ZNF536: variants seen among roughly 807,000 people sequenced by gnomAD.
ZNF536 encodes the protein zinc finger protein 536.
In ZNF536, 13 loss-of-function variants were observed where a neutral mutation model predicts 84.5. The observed-to-expected ratio is 0.15, with a 90% CI of 0.10 to 0.24. The LOEUF (loss-of-function observed/expected upper bound fraction) is 0.24. Ranked by LOEUF, ZNF536 falls within the 10% of genes least tolerant of loss-of-function variation. The pLI is 1.00. For synonymous variants in ZNF536, 811 were observed against 742.5 expected (o/e 1.09, Z -1.50); for missense variants, 1,536 against 1,747.5 (o/e 0.88, Z 2.16).
intron 2 of ZNF536, among the ~76,000 whole-genome samples, chr19:30,349,964 C>A (rs1201521499): frequency 1.3e-5 from 2 of 151,802 alleles, no homozygotes; most frequent in Non-Finnish European, 2.9e-5. Context: ...CTTTTGTTAA[C>A]CTTACTTTCG....
intron 2 of ZNF536, among the ~76,000 whole-genome samples, chr19:30,524,575 C>T (rs903436104): frequency 6.6e-6 from 1 of 152,146 alleles, no homozygotes; most frequent in African/African-American, 2.4e-5. Flanking sequence ...GCTCAATTCC[C>T]AGGAGAAAAC....
chr19:30,321,722 T>A (rs976957555), intron 2 of ZNF536, among the ~76,000 whole-genome samples: 43 of 151,830 alleles, frequency 2.8e-4, no homozygotes, highest in Non-Finnish European at 6.0e-4. Context: ...TTTTTTTTTT[T>A]AATTAGTCTA....
chr19:30,309,930 T>C (rs1378051834), intron 2 of ZNF536, among the ~76,000 whole-genome samples: 1 of 152,014 alleles, frequency 6.6e-6, no homozygotes, highest in Admixed American at 6.6e-5. Flanking sequence ...CTGATTGCCT[T>C]TCAGATGAGA....
chr19:30,636,843 T>C (rs999902391), intron 1 of ZNF536, among the ~76,000 whole-genome samples: 12 of 152,272 alleles, frequency 7.9e-5, no homozygotes, highest in Admixed American at 2.6e-4. Context: ...CTCTGGTCCC[T>C]GGCCTCATGT....
chr19:30,244,693 AG>A (rs1248535614), intron 1 of ZNF536, among the ~76,000 whole-genome samples: 1 of 152,174 alleles, frequency 6.6e-6, no homozygotes, highest in Non-Finnish European at 1.5e-5. Flanking sequence ...TGAAGCTTTT[AG>A]CACCCTCTGG....
intron 2 of ZNF536, among the ~76,000 whole-genome samples, chr19:30,316,682 C>G (rs547605042): frequency 6.6e-6 from 1 of 152,288 alleles, no homozygotes; most frequent in South Asian, 2.1e-4. Flanking sequence ...TGTTACATTA[C>G]AGAGCATTTG....
rs549727688 is a variant in ZNF536, at chr19:30,439,747, TC to T, written c.-2-3812del. Among the ~76,000 whole-genome samples the T allele has an allele frequency of 8.5e-5, 13 of 152,216 alleles. No homozygotes were observed. In the South Asian group the frequency reaches 2.5e-3, roughly 29 times the overall value. On this transcript the variant is annotated intron_variant, in intron 1 of 4. Coordinates refer to ENST00000355537, the MANE Select transcript of ZNF536 (RefSeq NM_014717.3). ...AGCATCTCCTAGGGAGCTGGTCAGC[TC>T]CTCTGAAACCCTGGGGTCTCCCATG...
chr19:30,649,270 T>G (rs1485068392), intron 1 of ZNF536, among the ~76,000 whole-genome samples: 1 of 152,198 alleles, frequency 6.6e-6, no homozygotes, highest in Non-Finnish European at 1.5e-5. Context: ...GACCTAAAAC[T>G]AAAAAGCTTT....
intron 3 of ZNF536, among the ~76,000 whole-genome samples, chr19:30,535,568 AG>A (rs1414666328): frequency 6.6e-6 from 1 of 152,112 alleles, no homozygotes; most frequent in African/African-American, 2.4e-5. Flanking sequence ...AGATGCTCTT[AG>A]GCAAAGGGGG....
At chr19:30,451,112 C>T (rs988279773) in intron 2 of ZNF536, among the ~76,000 whole-genome samples, 4 of 152,238 alleles carry the variant, frequency 2.6e-5, no homozygotes, top group Non-Finnish European at 5.9e-5. Flanking sequence ...CTGAGGTGGC[C>T]GCCCGCCTAG....
Position 30,277,799 on chromosome 19 carries a change from C to G in ZNF536, c.-189-6273C>G, listed in dbSNP as rs186004161. On this transcript the variant is annotated intron_variant, in intron 1 of 5. Coordinates refer to the ZNF536 transcript ENST00000585628. ...ATCTTGCCAAGTTTCTAGTGCTTGT[C>G]CTCCTCTTTGAGACACATTGTGGCT... Among the ~76,000 whole-genome samples, 3 of 152,334 alleles carry G rather than the reference C, an allele frequency of 2.0e-5. No homozygotes were observed. In the East Asian group the frequency reaches 5.8e-4, roughly 29 times the overall value.
At chr19:30,640,564 C>T (rs908043965) in intron 1 of ZNF536, among the ~76,000 whole-genome samples, 3 of 152,162 alleles carry the variant, frequency 2.0e-5, no homozygotes, top group African/African-American at 4.8e-5. Flanking sequence ...GATTGTGCCT[C>T]GCAAGAGTCA....
chr19:30,666,868 A>G, intron 1 of ZNF536, among the ~76,000 whole-genome samples: 1 of 151,756 alleles, frequency 6.6e-6, no homozygotes. Context: ...GTATGTATGC[A>G]TATTTTAAAA....
intron 1 of ZNF536, among the ~76,000 whole-genome samples, chr19:30,403,398 CAA>C (rs1397686218): frequency 6.6e-6 from 1 of 152,218 alleles, no homozygotes. Context: ...AGCCAAAGGT[CAA>C]AGGCTGCGCA....
intron 1 of ZNF536, among the ~76,000 whole-genome samples, chr19:30,233,490 T>C (rs10401172): frequency 0.81 from 123,221 of 151,838 alleles, 50,307 homozygotes; most frequent in African/African-American, 0.89. Context: ...TACAGGTACA[T>C]ACCACCACAC....
At chr19:30,539,126 C>A (rs568964673) in intron 3 of ZNF536, among the ~76,000 whole-genome samples, 3 of 140,354 alleles carry the variant, frequency 2.1e-5, no homozygotes, top group Non-Finnish European at 4.8e-5. Flanking sequence ...GCACCCCCCC[C>A]ACACACACAC....
At chr19:30,659,348 G>A (rs773944379) in intron 1 of ZNF536, among the ~76,000 whole-genome samples, 14 of 151,980 alleles carry the variant, frequency 9.2e-5, no homozygotes, top group Non-Finnish European at 1.2e-4. Flanking sequence ...ACCAGATCTC[G>A]TGAGCACTCA....
chr19:30,437,993 A>C (rs1444612151), intron 1 of ZNF536, among the ~76,000 whole-genome samples: 1 of 152,068 alleles, frequency 6.6e-6, no homozygotes, highest in East Asian at 1.9e-4. Flanking sequence ...TGCCCAGGTG[A>C]GCTGGTTCGA....
chr19:30,587,801 G>A (rs1417423678), intron 1 of ZNF536, among the ~76,000 whole-genome samples: 1 of 152,216 alleles, frequency 6.6e-6, no homozygotes, highest in Non-Finnish European at 1.5e-5. Flanking sequence ...GGAGAAGCCC[G>A]GAGCCTGCAT....
Sources: gnomAD v4.1 joint callset for allele counts (sites outside exome capture counted in the v4.1 genomes callset) on GRCh38, gnomAD v4.1.1 for gene constraint, MANE v1.5 for transcripts, NCBI Gene and HGNC (gene_info 2026-07-23, HGNC 2026-07-21) for gene names.